CAMK2D: variants seen among roughly 807,000 people sequenced by gnomAD.
CAMK2D encodes the protein calcium/calmodulin dependent protein kinase II delta, also known as calcium/calmodulin-dependent protein kinase type II subunit delta.
In CAMK2D, 37 loss-of-function variants were observed where a neutral mutation model predicts 84.0. The observed-to-expected ratio is 0.44, with a 90% confidence interval of 0.34 to 0.58. The LOEUF is 0.58. Ranked by LOEUF, CAMK2D falls within the 20% of genes least tolerant of loss-of-function variation. The probability of loss-of-function intolerance (pLI) is 0.02; values close to 1 mark genes in which losing one functional copy is unlikely to be tolerated. For missense variants in CAMK2D, 448 were observed against 652.5 expected (o/e 0.69, Z 3.41); for synonymous variants, 202 against 212.5 (o/e 0.95, Z 0.43).
At chr4:113,675,032 C>T (rs78842141) in intron 2 of CAMK2D, among the ~76,000 whole-genome samples, 37 of 152,144 alleles carry the variant, frequency 2.4e-4, no homozygotes, top group African/African-American at 8.7e-4. Flanking sequence ...AACATCCATG[C>T]GTGCATATTC....
rs1360018775 is a variant in CAMK2D, at chr4:113,548,587, C to T, written c.342-871G>A. On this transcript the variant is annotated intron_variant, in intron 5 of 20. Coordinates refer to ENST00000511664, the MANE Select transcript of CAMK2D (RefSeq NM_001321571.2). ...GCAAGGGAACCATTTTAAATACCCACCCTCTGCCCTTTCCCCAGAAAAAAA... is the reference window on the plus strand; with the variant it reads ...GCAAGGGAACCATTTTAAATACCCATCCTCTGCCCTTTCCCCAGAAAAAAA... The T allele has an allele frequency of 1.1e-5, 8 of 746,200 alleles. 1 individual carries two copies. The highest frequency in any genetic ancestry group is 2.4e-4 in the Middle Eastern group (1 of 4,216). The allele number at this position is 746,200 out of a possible 1,614,324, so 46.2% of individuals were successfully genotyped here. A position where few individuals can be genotyped will look rare whatever the true frequency, so the allele number is the denominator to read the frequency against.
Position 113,517,653 on chromosome 4 carries a change from G to A in CAMK2D, c.606C>T (p.Val202=). The A allele has an allele frequency of 6.9e-7, 1 of 1,447,440 alleles. No homozygotes were observed. Among genetic ancestry groups the A allele is most frequent in the Non-Finnish European group, 9.7e-7 (1 of 1,029,464 alleles). 89.7% of individuals were successfully genotyped at this position (1,447,440 alleles called of 1,614,324 possible). Residue 202 remains valine, a synonymous_variant, in exon 9 of 21, where the codon GTC becomes GTT. Transcript: ENST00000511664. ...GKPVDMWACG[V]ILYILLVGYP... is the part of the protein sequence containing the mutation. ...ACCCCACAAGTAGAATATAGAGAAT[G>A]ACACCTGGAGGAGAATATAATGTTA... is the stretch of plus-strand genomic sequence containing the variant.
chr4:113,601,433 A>G (rs961355121), intron 4 of CAMK2D, among the ~76,000 whole-genome samples: 55 of 151,626 alleles, frequency 3.6e-4, no homozygotes, highest in Admixed American at 2.6e-4. Flanking sequence ...TTCATGAGGA[A>G]AAAAAAAACC....
chr4:113,452,861 C>T lies in CAMK2D; in HGVS notation c.*1684G>A, dbSNP rs1040439066. On this transcript the variant is annotated 3_prime_UTR_variant, in exon 21 of 21. Transcript: ENST00000511664. Reference sequence around the variant, plus strand: ...TTGTTTTAAATTGTGTAATAATTATCAGAAAAGCTTCAACCCATCTACCAT... The same window carrying T: ...TTGTTTTAAATTGTGTAATAATTATTAGAAAAGCTTCAACCCATCTACCAT... The T allele has an allele frequency of 1.3e-5, 2 of 152,264 alleles. No individual in the cohort carries two copies. The highest frequency in any genetic ancestry group is 2.9e-5 in the Non-Finnish European group (2 of 67,982). The allele number at this position is 152,264 out of a possible 1,614,324, so 9.4% of individuals were successfully genotyped here. A position where few individuals can be genotyped will look rare whatever the true frequency, so the allele number is the denominator to read the frequency against.
intron 2 of CAMK2D, among the ~76,000 whole-genome samples, chr4:113,685,025 CCTT>C (rs922313763): frequency 1.3e-5 from 2 of 152,102 alleles, no homozygotes; most frequent in African/African-American, 4.8e-5. Flanking sequence ...TGAGCAAAGT[CCTT>C]CTCTCTTTGT....
intron 2 of CAMK2D, among the ~76,000 whole-genome samples, chr4:113,714,437 C>A (rs545932665): frequency 1.3e-5 from 2 of 152,166 alleles, no homozygotes; most frequent in South Asian, 2.1e-4. Flanking sequence ...AACTTATCTA[C>A]TGAACAAGTT....
chr4:113,663,773 A>G (rs1263118025), intron 2 of CAMK2D, among the ~76,000 whole-genome samples: 1 of 151,750 alleles, frequency 6.6e-6, no homozygotes, highest in Non-Finnish European at 1.5e-5. Flanking sequence ...ATAAAAAGGA[A>G]GCAAAAGACC....
At chr4:113,638,833 G>GAATTTCTCACAT (rs2099120360) in intron 3 of CAMK2D, among the ~76,000 whole-genome samples, 2 of 152,160 alleles carry the variant, frequency 1.3e-5, no homozygotes, top group South Asian at 4.2e-4. Context: ...GTGGTAAGGT[G>GAATTTCTCACAT]GAATTTCTCA....
intron 5 of CAMK2D, among the ~76,000 whole-genome samples, chr4:113,548,366 C>T (rs2098599369): frequency 6.6e-6 from 1 of 152,128 alleles, no homozygotes; most frequent in Non-Finnish European, 1.5e-5. Context: ...CAGGCAAATG[C>T]TGGGCAATTC....
rs1304272774 is a variant in CAMK2D, at chr4:113,454,180, C to A, written c.*365G>T. 1.6e-5 allele frequency: 3 copies of A among 190,790 alleles called. No homozygotes were observed. In the East Asian group the frequency reaches 3.4e-4, roughly 22 times the overall value. 11.8% of individuals were successfully genotyped at this position (190,790 alleles called of 1,614,324 possible). A position where few individuals can be genotyped will look rare whatever the true frequency, so the allele number is the denominator to read the frequency against. On this transcript the variant is annotated 3_prime_UTR_variant, in exon 21 of 21. Transcript: ENST00000511664. ...TCTCTTACAACTGTCATTCAGAGAA[C>A]AATAGTTCTTAAGTCTGTTAAATCT...
At chr4:113,456,308 A>C (rs139772552) in intron 19 of CAMK2D, among the ~76,000 whole-genome samples, 1 of 152,282 alleles carries the variant, frequency 6.6e-6, no homozygotes, top group African/African-American at 2.4e-5. Context: ...TGGTGAGAGA[A>C]TTTGGAAAGA....
At position 113,725,323 on chromosome 4, in the gene CAMK2D, A is replaced by G. The variant is rs1319749587; in HGVS notation, c.160+33997T>C. 6.9e-4 allele frequency among the ~76,000 whole-genome samples: 105 copies of G among 152,220 alleles called. 1 individual carries two copies. The highest frequency in any genetic ancestry group is 6.7e-3 in the Admixed American group (103 of 15,294). ...TACTACTAATAGATAACCAGCAACTATTTTTGCAGAGTGGAAACAGGGTGT... is the reference window on the plus strand; with the variant it reads ...TACTACTAATAGATAACCAGCAACTGTTTTTGCAGAGTGGAAACAGGGTGT... On this transcript the variant is annotated intron_variant, in intron 2 of 20. Coordinates refer to ENST00000511664, the MANE Select transcript of CAMK2D (RefSeq NM_001321571.2).
rs2099573759 is a variant in CAMK2D, at chr4:113,733,448, C to T, written c.160+25872G>A. Among the ~76,000 whole-genome samples the T allele has an allele frequency of 5.3e-5, 8 of 152,058 alleles. No individual in the cohort carries two copies. The South Asian group carries it at 1.7e-3, about 32-fold the overall frequency. On this transcript the variant is annotated intron_variant, in intron 2 of 20. Coordinates refer to ENST00000511664, the MANE Select transcript of CAMK2D (RefSeq NM_001321571.2). The stretch of plus-strand genomic sequence containing the variant: ...AAACTGTACTCAGCAAGTGCAAATC[C>T]TTTTTTAATTGCTAAACTGAACATC...
intron 6 of CAMK2D, among the ~76,000 whole-genome samples, chr4:113,539,700 T>C (rs888128594): frequency 2.0e-5 from 3 of 152,206 alleles, no homozygotes; most frequent in Non-Finnish European, 4.4e-5. Context: ...TTGCACCTTA[T>C]ACTCATGAAG....
chr4:113,639,337 C>G (rs140866735), intron 3 of CAMK2D, among the ~76,000 whole-genome samples: 1 of 152,156 alleles, frequency 6.6e-6, no homozygotes, highest in Non-Finnish European at 1.5e-5. Flanking sequence ...ATACCATACT[C>G]TGTGCTGGAT....
chr4:113,458,248 C>A (rs2097329159), intron 18 of CAMK2D, among the ~76,000 whole-genome samples: 1 of 152,100 alleles, frequency 6.6e-6, no homozygotes, highest in South Asian at 2.1e-4. Context: ...ACTGAGTAGC[C>A]CTCACTATGC....
At chr4:113,716,280 C>T (rs2099513099) in intron 2 of CAMK2D, among the ~76,000 whole-genome samples, 1 of 152,154 alleles carries the variant, frequency 6.6e-6, no homozygotes, top group African/African-American at 2.4e-5. Flanking sequence ...AGCCAAGTAT[C>T]ATTCTATTAT....
chr4:113,523,240 C>A (rs548374197), intron 8 of CAMK2D, among the ~76,000 whole-genome samples: 5 of 152,260 alleles, frequency 3.3e-5, no homozygotes, highest in African/African-American at 1.2e-4. Context: ...CTGTTTGCAA[C>A]CTCTGACATA....
At chr4:113,632,993 T>C (rs2099096189) in intron 3 of CAMK2D, among the ~76,000 whole-genome samples, 1 of 152,228 alleles carries the variant, frequency 6.6e-6, no homozygotes, top group Admixed American at 6.5e-5. Context: ...ACTATCTGCT[T>C]CAAATGAAGG....
Sources: gnomAD v4.1 joint callset for allele counts (sites outside exome capture counted in the v4.1 genomes callset) on GRCh38, gnomAD v4.1.1 for gene constraint, MANE v1.5 for transcripts, NCBI Gene and HGNC (gene_info 2026-07-23, HGNC 2026-07-21) for gene names.